Variants in CNOT10 observed in about 807,000 individuals in gnomAD.
CNOT10 encodes CCR4-NOT transcription complex, subunit 10.
CNOT10 carries 30 observed loss-of-function variants against 94.6 expected under a neutral mutation model. The observed-to-expected ratio is 0.32, with a 90% CI of 0.24 to 0.43. The LOEUF (loss-of-function observed/expected upper bound fraction) is 0.43, where lower values mean the gene tolerates loss of function less well. CNOT10 is among the 20% of genes least tolerant of loss of function. The pLI is 1.00. For missense variants in CNOT10, 759 were observed against 877.2 expected, an observed-to-expected ratio of 0.87 and a Z score of 1.70; for synonymous variants, 289 against 301.6, an observed-to-expected ratio of 0.96 and a Z score of 0.43.
At chr3:32,763,504 G>T (rs1700538087) in intron 15 of CNOT10, among the ~76,000 whole-genome samples, 1 of 151,790 alleles carries the variant, frequency 6.6e-6, no homozygotes, top group Non-Finnish European at 1.5e-5. Flanking sequence ...TACAAAATTA[G>T]TAGGGCGTGG....
At chr3:32,695,253 T>C (rs1696997599) in intron 1 of CNOT10, among the ~76,000 whole-genome samples, 1 of 152,182 alleles carries the variant, frequency 6.6e-6, no homozygotes, top group African/African-American at 2.4e-5. Flanking sequence ...AGAAATCATA[T>C]GTGAGGTATG....
intron 13 of CNOT10, among the ~76,000 whole-genome samples, chr3:32,751,056 G>A (rs75722409): frequency 0.061 from 9,299 of 152,108 alleles, 328 homozygotes; most frequent in African/African-American, 0.09. Context: ...CAACATGGGA[G>A]ATGTCTGTAC....
intron 6 of CNOT10, 34 bp from the exon 7 acceptor site, chr3:32,717,120 T>A: frequency 8.0e-7 from 1 of 1,250,138 alleles, no homozygotes; most frequent in Non-Finnish European, 1.1e-6. Context: ...AAATCCACCA[T>A]AGTTTTAACA....
intron 18 of CNOT10, among the ~76,000 whole-genome samples, chr3:32,771,893 A>G (rs1700923225): frequency 6.6e-6 from 1 of 152,230 alleles, no homozygotes; most frequent in South Asian, 2.1e-4. Context: ...CAAGTTTTAC[A>G]GTAAGCCAGT....
intron 13 of CNOT10, among the ~76,000 whole-genome samples, chr3:32,751,109 A>AG (rs1251173699): frequency 6.6e-6 from 1 of 151,406 alleles, no homozygotes; most frequent in Non-Finnish European, 1.5e-5. Context: ...ATGAAAAAAA[A>AG]ATTTTTTTTG....
chr3:32,739,678 T>C (rs1047966809), intron 13 of CNOT10, among the ~76,000 whole-genome samples: 3 of 151,826 alleles, frequency 2.0e-5, no homozygotes, highest in South Asian at 2.1e-4. Context: ...TCCCAGCACA[T>C]TGGTGGGCTG....
chr3:32,729,392 C>T (rs1199923154), intron 10 of CNOT10, among the ~76,000 whole-genome samples: 3 of 152,136 alleles, frequency 2.0e-5, no homozygotes, highest in African/African-American at 7.2e-5. Flanking sequence ...ATATGTGTGT[C>T]TTCCATTTGC....
chr3:32,691,496 G>A (rs995339501), intron 1 of CNOT10, among the ~76,000 whole-genome samples: 30 of 151,968 alleles, frequency 2.0e-4, no homozygotes, highest in Middle Eastern at 3.2e-3. Context: ...TAGTAGAGAC[G>A]TGGTTTGACC....
intron 6 of CNOT10, 32 bp downstream of exon 6, chr3:32,716,343 C>A: frequency 9.6e-7 from 1 of 1,040,698 alleles, no homozygotes; most frequent in Admixed American, 2.0e-5. Context: ...GGCAATACAT[C>A]ACATATATTT....
chr3:32,733,262 T>C (rs9799359), intron 10 of CNOT10, among the ~76,000 whole-genome samples, 161 bp from the exon 11 acceptor site: 75,354 of 152,036 alleles, frequency 0.5, 19,677 homozygotes, highest in Non-Finnish European at 0.57. Flanking sequence ...TATATACTTT[T>C]TCCACTAATA....
intron 13 of CNOT10, among the ~76,000 whole-genome samples, chr3:32,743,343 G>T (rs112567229): frequency 0.039 from 5,991 of 151,988 alleles, 189 homozygotes; most frequent in African/African-American, 0.079. Context: ...GAAGTATATT[G>T]TTTCTGCCAG....
intron 1 of CNOT10, among the ~76,000 whole-genome samples, chr3:32,689,334 C>G (rs573849094): frequency 1.1e-4 from 13 of 119,884 alleles, no homozygotes; most frequent in African/African-American, 4.2e-4. Flanking sequence ...GCCTGGGCAA[C>G]AAGAGCAAAA....
intron 1 of CNOT10, among the ~76,000 whole-genome samples, chr3:32,702,110 T>A (rs977912197): frequency 3.3e-5 from 5 of 151,492 alleles, no homozygotes; most frequent in African/African-American, 1.2e-4. Context: ...TTTTTTTTTT[T>A]TTCTCAAGAC....
chr3:32,692,217 G>C (rs931941754), intron 1 of CNOT10, among the ~76,000 whole-genome samples: 2 of 152,054 alleles, frequency 1.3e-5, no homozygotes, highest in African/African-American at 4.8e-5. Context: ...CAGAAAGTTA[G>C]CTGGGTGTGG....
At chr3:32,741,072 C>T (rs1473479787) in intron 13 of CNOT10, among the ~76,000 whole-genome samples, 1 of 152,086 alleles carries the variant, frequency 6.6e-6, no homozygotes, top group Non-Finnish European at 1.5e-5. Flanking sequence ...CACTTCCACT[C>T]CTGCTCCTGC....
In CNOT10 at chr3:32,685,208, G is replaced by A; in HGVS notation, c.-253G>A. ...GAAGTAGTGGGTACCGGGACGCCGTGAGGCGGAAGCTGTGTATGGCGGGAG... is the reference window on the plus strand; with the variant it reads ...GAAGTAGTGGGTACCGGGACGCCGTAAGGCGGAAGCTGTGTATGGCGGGAG... On this transcript the variant is annotated 5_prime_UTR_variant, in exon 1 of 19. Coordinates refer to ENST00000328834, the MANE Select transcript of CNOT10 (RefSeq NM_015442.3). 1 of 414,614 alleles carries A rather than the reference G, an allele frequency of 2.4e-6. No homozygotes were observed. Among genetic ancestry groups the A allele is most frequent in the East Asian group, 4.3e-5 (1 of 23,414 alleles). The allele number at this position is 414,614 out of a possible 1,614,324, so 25.7% of individuals were successfully genotyped here. A position where few individuals can be genotyped will look rare whatever the true frequency, so the allele number is the denominator to read the frequency against.
chr3:32,748,277 GT>G (rs1699798815), intron 13 of CNOT10, among the ~76,000 whole-genome samples: 1 of 152,174 alleles, frequency 6.6e-6, no homozygotes, highest in Admixed American at 6.5e-5. Flanking sequence ...CTATGTCACA[GT>G]TTTTTGTACC....
At chr3:32,740,423 A>G (rs746155370) in intron 13 of CNOT10, among the ~76,000 whole-genome samples, 4 of 152,122 alleles carry the variant, frequency 2.6e-5, no homozygotes, top group Admixed American at 2.0e-4. Context: ...AGATCGTGCT[A>G]TTGCCTAGAC....
Position 32,685,482 on chromosome 3 carries a change from G to C in CNOT10, c.22G>C (p.Asp8His). 1 of 1,550,456 alleles carries C rather than the reference G, an allele frequency of 6.4e-7. No individual in the cohort carries two copies. Residue 8 changes from aspartate (D) to histidine (H), a missense_variant and splice_region_variant, in exon 1 of 19, where the codon GAT becomes CAT. This residue lies in a region of CNOT10 where 682 missense variants were observed against 799.4 expected (regional missense o/e 0.85). Coordinates refer to ENST00000328834, the MANE Select transcript of CNOT10 (RefSeq NM_015442.3). ...GAAGATGGCTGCAGACAAGCCTGCA[G>C]GTAGGGCGCCAATGTCCCGAGCGAC... MAADKPA[D>H]QGAEKHEGTG...
Sources: allele counts gnomAD v4.1 joint callset (sites outside exome capture counted in the v4.1 genomes callset), GRCh38; gene constraint gnomAD v4.1.1; regional missense constraint gnomAD v4.1.1; transcripts MANE v1.5; gene names NCBI Gene and HGNC (gene_info 2026-07-23, HGNC 2026-07-21).